The following R3HDM1 variants were observed in gnomAD, a reference collection of about 807,000 sequenced individuals.
R3HDM1 encodes the protein R3H domain-containing protein 1.
In R3HDM1, 46 loss-of-function variants were observed where a neutral mutation model predicts 141.1. That is an observed-to-expected ratio of 0.33 (90% CI 0.26 to 0.42). R3HDM1 has a LOEUF of 0.42. R3HDM1 is among the 10% of genes least tolerant of loss of function. The pLI is 1.00. For missense variants in R3HDM1, 1,184 were observed against 1,368.3 expected (o/e 0.87, Z 2.12); for synonymous variants, 435 against 472.9 (o/e 0.92, Z 1.04).
chr2:135,568,819 A>G (rs1703401502), intron 1 of R3HDM1: 1 of 152,226 alleles, frequency 6.6e-6, no homozygotes, highest in African/African-American at 2.4e-5. Context: ...GGTAAGGGAA[A>G]TAGACTCAAG....
chr2:135,574,198 TA>T (rs1015175952), intron 1 of R3HDM1, among the ~76,000 whole-genome samples: 11 of 152,134 alleles, frequency 7.2e-5, no homozygotes, highest in Admixed American at 7.2e-4. Flanking sequence ...AAATAATTTT[TA>T]AAAAATTTTA....
At chr2:135,547,837 G>A (rs1171761708) in intron 1 of R3HDM1, among the ~76,000 whole-genome samples, 8 of 138,132 alleles carry the variant, frequency 5.8e-5, no homozygotes, top group Non-Finnish European at 9.0e-5. Context: ...GCAGTGGCAC[G>A]ATCTCGGCTC....
At chr2:135,580,434 T>G (rs1383013565) in intron 1 of R3HDM1, among the ~76,000 whole-genome samples, 4 of 151,786 alleles carry the variant, frequency 2.6e-5, no homozygotes, top group Non-Finnish European at 4.4e-5. Context: ...TTATTATTGG[T>G]TTTTTTTGCA....
At chr2:135,651,257 A>G in intron 17 of R3HDM1, 2 of 985,270 alleles carry the variant, frequency 2.0e-6, no homozygotes, top group Non-Finnish European at 2.4e-6. Flanking sequence ...TTTCGTGGTT[A>G]GGGATACAAA....
At chr2:135,684,143 T>G (rs2070873276) in intron 21 of R3HDM1, among the ~76,000 whole-genome samples, 2 of 152,062 alleles carry the variant, frequency 1.3e-5, no homozygotes, top group Admixed American at 6.5e-5. Context: ...CAGGCTGGAG[T>G]GCAGTGGCAC....
At chr2:135,719,846 CT>C (rs1336561501) in intron 24 of R3HDM1, among the ~76,000 whole-genome samples, 154 of 144,238 alleles carry the variant, frequency 1.1e-3, no homozygotes, top group South Asian at 8.1e-3. Context: ...ATTTTCTTTT[CT>C]TTTTTTTTTT....
chr2:135,680,622 T>A (rs1230227221), intron 21 of R3HDM1, among the ~76,000 whole-genome samples: 1 of 152,140 alleles, frequency 6.6e-6, no homozygotes, highest in Non-Finnish European at 1.5e-5. Context: ...ATACAGAAGT[T>A]AGCTGGGCAA....
chr2:135,565,472 A>C (rs1702576635), intron 1 of R3HDM1, among the ~76,000 whole-genome samples: 1 of 151,414 alleles, frequency 6.6e-6, no homozygotes, highest in Non-Finnish European at 1.5e-5. Context: ...GATGATAGGC[A>C]CGTGCCATTG....
At chr2:135,533,895 T>C in intron 1 of R3HDM1, 1 of 703,902 alleles carries the variant, frequency 1.4e-6, no homozygotes, top group Non-Finnish European at 1.7e-6. Flanking sequence ...AAACAGAAAA[T>C]TAGAGGTAAA....
chr2:135,615,248 T>TA (rs576918409), intron 3 of R3HDM1, among the ~76,000 whole-genome samples: 1 of 98,968 alleles, frequency 1.0e-5, no homozygotes, highest in East Asian at 7.1e-4. Flanking sequence ...AAATGATGGG[T>TA]TTTTTTTTTT....
intron 19 of R3HDM1, chr2:135,669,531 A>G (rs2068012765): frequency 1.0e-6 from 1 of 985,128 alleles, no homozygotes; most frequent in African/African-American, 1.7e-5. Flanking sequence ...AAATTATCAG[A>G]AAATGAAGCA....
At chr2:135,695,794 T>C (rs2073152343) in intron 21 of R3HDM1, among the ~76,000 whole-genome samples, 1 of 152,178 alleles carries the variant, frequency 6.6e-6, no homozygotes, top group Non-Finnish European at 1.5e-5. Context: ...ACACAAAAGC[T>C]GAATTAATTG....
chr2:135,607,665 T>A (rs572985324), intron 3 of R3HDM1, among the ~76,000 whole-genome samples: 1 of 152,362 alleles, frequency 6.6e-6, no homozygotes, highest in South Asian at 2.1e-4. Context: ...ATATTTCTTT[T>A]CCTAGATCAT....
At chr2:135,551,615 GAT>G (rs942806031) in intron 1 of R3HDM1, among the ~76,000 whole-genome samples, 1 of 152,182 alleles carries the variant, frequency 6.6e-6, no homozygotes, top group Non-Finnish European at 1.5e-5. Context: ...TAGGAACACT[GAT>G]AGTTATTTCA....
chr2:135,703,644 A>C (rs2074523124), intron 21 of R3HDM1, among the ~76,000 whole-genome samples: 1 of 151,946 alleles, frequency 6.6e-6, no homozygotes, highest in Non-Finnish European at 1.5e-5. Flanking sequence ...AATGGCTCAC[A>C]TTAGGGAATA....
chr2:135,718,105 G>T (rs778402814), intron 24 of R3HDM1, among the ~76,000 whole-genome samples: 1 of 152,268 alleles, frequency 6.6e-6, no homozygotes, highest in Non-Finnish European at 1.5e-5. Context: ...TATTCTATAT[G>T]ATTCTAATTA....
At chr2:135,608,276 A>G (rs2060249567) in intron 3 of R3HDM1, among the ~76,000 whole-genome samples, 1 of 152,096 alleles carries the variant, frequency 6.6e-6, no homozygotes, top group South Asian at 2.1e-4. Context: ...AGATCACGCC[A>G]CTGCACCCCA....
intron 11 of R3HDM1, among the ~76,000 whole-genome samples, chr2:135,637,006 C>G (rs1194596380): frequency 6.6e-6 from 1 of 152,092 alleles, no homozygotes; most frequent in African/African-American, 2.4e-5. Context: ...ACCTGAGATT[C>G]CAGGAGGCTA....
chr2:135,602,084 G>A (rs1004769326), intron 1 of R3HDM1, among the ~76,000 whole-genome samples: 3 of 150,728 alleles, frequency 2.0e-5, no homozygotes, highest in East Asian at 1.9e-4. Flanking sequence ...ATGTTATTAC[G>A]GTTCAAAATT....
Sources: allele counts gnomAD v4.1 joint callset (sites outside exome capture counted in the v4.1 genomes callset), GRCh38; gene constraint gnomAD v4.1.1; transcripts MANE v1.5; gene names NCBI Gene and HGNC (gene_info 2026-07-23, HGNC 2026-07-21).